Variants in CYB5R2 observed in about 807,000 individuals in gnomAD.
CYB5R2 encodes cytochrome b5 reductase 2.
In CYB5R2, 35 loss-of-function variants were observed where a neutral mutation model predicts 29.8. The observed-to-expected ratio is 1.17, with a 90% CI of 0.90 to 1.56. CYB5R2 has a LOEUF of 1.56. Among genes scored for constraint, CYB5R2 ranks in the 40% most tolerant of loss-of-function variants. CYB5R2 has a pLI of 0.00. For missense variants in CYB5R2, 419 were observed against 346.7 expected, an observed-to-expected ratio of 1.21 and a Z score of -1.66; for synonymous variants, 169 against 130.6, an observed-to-expected ratio of 1.29 and a Z score of -2.01.
chr11:7,668,441 GCTCA>G (rs1855491732), intron 6 of CYB5R2, 33 bp downstream of exon 6: 1 of 1,504,114 alleles, frequency 6.6e-7, no homozygotes, highest in Non-Finnish European at 9.3e-7. Flanking sequence ...GGGTCTCGGG[GCTCA>G]CTCTCTGGAT....
chr11:7,672,799 G>C lies in CYB5R2; in HGVS notation c.27C>G (p.Ile9Met). The C allele has an allele frequency of 1.2e-6, 2 of 1,614,194 alleles. No individual in the cohort carries two copies. The highest frequency in any genetic ancestry group is 2.2e-5 in the South Asian group (2 of 91,076). ...ACTTGGCTTCAGGGTCCTGTAAGGT[G>C]ATTGGCTCTCTCCTCCTGGAGTTCA... MNSRRREP[I>M]TLQDPEAKYP... is the part of the protein sequence containing the mutation. Residue 9 changes from isoleucine to methionine, a missense_variant, in exon 2 of 9, where the codon ATC (isoleucine) becomes ATG (methionine). Transcript: ENST00000299498.
chr11:7,667,595 T>G (rs772758869), intron 7 of CYB5R2, 133 bp downstream of exon 7: 2 of 810,024 alleles, frequency 2.5e-6, no homozygotes, highest in Non-Finnish European at 4.2e-6. Context: ...AGCAGCCCTG[T>G]TGATCCCACT....
intron 7 of CYB5R2, chr11:7,666,853 G>GCC: frequency 4.6e-6 from 1 of 215,628 alleles, no homozygotes; most frequent in South Asian, 8.2e-5. Context: ...GGCTTCACTC[G>GCC]GAGCTCCAGC....
chr11:7,666,076 G>C, intron 8 of CYB5R2: 2 of 664,782 alleles, frequency 3.0e-6, no homozygotes, highest in South Asian at 3.4e-5. Context: ...GAGGTGGGCG[G>C]TAAGGGGTGT....
Position 7,665,818 on chromosome 11 carries a change from G to C in CYB5R2, c.659-272C>G, listed in dbSNP as rs756649456. 7.2e-6 allele frequency: 11 copies of C among 1,526,164 alleles called. No homozygotes were observed. In the East Asian group the frequency reaches 2.7e-4, roughly 37 times the overall value. 94.5% of individuals were successfully genotyped at this position (1,526,164 alleles called of 1,614,324 possible). A position where few individuals can be genotyped will look rare whatever the true frequency, so the allele number is the denominator to read the frequency against. The stretch of plus-strand genomic sequence containing the variant: ...CATTGACGAGGAAGGAGAACACAAC[G>C]AGGTATACCGAGGTGTGTGAATCAG... On this transcript the variant is annotated intron_variant, in intron 8 of 8. Coordinates refer to ENST00000299498, the MANE Select transcript of CYB5R2 (RefSeq NM_016229.5).
chr11:7,669,993 C>T, intron 3 of CYB5R2: 1 of 438,378 alleles, frequency 2.3e-6, no homozygotes. Context: ...GATATGTCTG[C>T]CCACCTGTGA....
intron 5 of CYB5R2, chr11:7,668,865 A>G (rs1007829461): frequency 1.7e-5 from 10 of 576,176 alleles, no homozygotes; most frequent in Non-Finnish European, 3.1e-5. Flanking sequence ...GAGGTGAACC[A>G]GTGAGTAAAC....
intron 7 of CYB5R2, chr11:7,666,866 T>G: frequency 1.9e-5 from 4 of 207,944 alleles, no homozygotes; most frequent in South Asian, 1.7e-4. Flanking sequence ...GCTCCAGCCC[T>G]GCCTCCTACA....
upstream of CYB5R2, chr11:7,673,794 T>G: frequency 3.0e-6 from 3 of 987,692 alleles, no homozygotes; most frequent in Non-Finnish European, 3.6e-6. Context: ...CGCAGACTCG[T>G]GGCGTCGCCC....
At chr11:7,666,777 A>G in intron 7 of CYB5R2, 1 of 426,906 alleles carries the variant, frequency 2.3e-6, no homozygotes, top group Non-Finnish European at 4.3e-6. Context: ...CATGGGATGT[A>G]GGTTCCCATG....
chr11:7,667,545 C>G (rs1369850334), intron 7 of CYB5R2, 183 bp downstream of exon 7: 4 of 598,380 alleles, frequency 6.7e-6, no homozygotes, highest in Non-Finnish European at 9.0e-6. Context: ...GAGTTAAATA[C>G]ATGCAAAAAG....
At position 7,666,618 on chromosome 11, in the gene CYB5R2, C is replaced by A. The variant is rs556079821; in HGVS notation, c.559-68G>T. The A allele has an allele frequency of 1.3e-5, 15 of 1,169,560 alleles. No individual in the cohort carries two copies. The South Asian group carries it at 1.7e-4, about 13-fold the overall frequency. The allele number at this position is 1,169,560 out of a possible 1,614,324, so 72.4% of individuals were successfully genotyped here. A position where few individuals can be genotyped will look rare whatever the true frequency, so the allele number is the denominator to read the frequency against. ...CTCTTGTTCCCTGGACTGACTACAC[C>A]GGTCAGCATACTCCTGGCCAAAGCT... On this transcript the variant is annotated intron_variant, in intron 7 of 8. Coordinates refer to ENST00000299498, the MANE Select transcript of CYB5R2 (RefSeq NM_016229.5).
intron 3 of CYB5R2, chr11:7,669,946 C>T (rs1239335500): frequency 1.8e-6 from 1 of 541,460 alleles, no homozygotes. Flanking sequence ...CACTTCACCT[C>T]TCTGGGTTTT....
rs748313980 is a variant in CYB5R2 at position 7,672,764 on chromosome 11, G to T, written c.62C>A (p.Pro21His). ...ACCCATTACCTCTTTCTCAATCAAG[G>T]GCAGCGGGTACTTGGCTTCAGGGTC... ...LQDPEAKYPL[P>H]LIEKEKISHN... The change falls in exon 2 of 9, where the codon CCC (proline) becomes CAC (histidine). Residue 21 changes from proline (P) to histidine (H), a missense_variant. Coordinates refer to ENST00000299498, the MANE Select transcript of CYB5R2 (RefSeq NM_016229.5). The T allele has an allele frequency of 2.5e-6, 4 of 1,614,116 alleles. No homozygotes were observed. The highest frequency in any genetic ancestry group is 2.2e-5 in the East Asian group (1 of 44,884).
At chr11:7,668,889 G>A (rs1298052023) in intron 5 of CYB5R2, 28 of 578,882 alleles carry the variant, frequency 4.8e-5, no homozygotes, top group Admixed American at 1.7e-4. Context: ...GGCTATGTGA[G>A]TAACCAAGGA....
At chr11:7,673,035 C>T in intron 1 of CYB5R2, 144 bp from the exon 2 acceptor site, 1 of 779,788 alleles carries the variant, frequency 1.3e-6, no homozygotes, top group South Asian at 1.7e-5. Flanking sequence ...ACAGTAGTGA[C>T]ACAGAAGGCG....
intron 1 of CYB5R2, 113 bp downstream of exon 1, chr11:7,673,306 G>A (rs1427898918): frequency 2.1e-6 from 2 of 935,160 alleles, no homozygotes; most frequent in South Asian, 3.8e-5. Flanking sequence ...AGCTCTAAGA[G>A]GTGCCCCGTG....
At chr11:7,667,611 C>T in intron 7 of CYB5R2, 117 bp downstream of exon 7, 1 of 973,088 alleles carries the variant, frequency 1.0e-6, no homozygotes, top group South Asian at 1.4e-5. Flanking sequence ...CCACTAAGCC[C>T]TCCCACAGAT....
intron 5 of CYB5R2, 31 bp downstream of exon 5, chr11:7,669,174 C>G (rs1474345889): frequency 1.7e-5 from 27 of 1,614,006 alleles, no homozygotes; most frequent in Non-Finnish European, 2.3e-5. Context: ...TTCCTCCCAG[C>G]TGGGAGCCCA....
Sources: gnomAD v4.1 joint callset for allele counts on GRCh38, gnomAD v4.1.1 for gene constraint, MANE v1.5 for transcripts, NCBI Gene and HGNC (gene_info 2026-07-23, HGNC 2026-07-21) for gene names.